The following DAB1 variants were observed in gnomAD, a reference collection of about 807,000 sequenced individuals.
DAB1 encodes DAB adaptor protein 1, also known as disabled homolog 1.
DAB1 carries 15 observed loss-of-function variants against 64.6 expected under a neutral mutation model. That is an observed-to-expected ratio of 0.23 (90% CI 0.16 to 0.36). The LOEUF (loss-of-function observed/expected upper bound fraction) is 0.36, where lower values mean the gene tolerates loss of function less well. DAB1 is among the 10% of genes least tolerant of loss of function. The probability of loss-of-function intolerance (pLI) is 1.00; values close to 1 mark genes in which losing one functional copy is unlikely to be tolerated. For missense variants in DAB1, 596 were observed against 706.7 expected, an observed-to-expected ratio of 0.84 and a Z score of 1.78; for synonymous variants, 235 against 251.9, an observed-to-expected ratio of 0.93 and a Z score of 0.64.
At chr1:57,803,541 A>G (rs898615288) in intron 6 of DAB1, among the ~76,000 whole-genome samples, 2 of 152,198 alleles carry the variant, frequency 1.3e-5, no homozygotes, top group Non-Finnish European at 2.9e-5. Context: ...CAAACAACAA[A>G]TACCCAGCAA....
chr1:57,960,697 CT>C (rs1289455774), intron 5 of DAB1, among the ~76,000 whole-genome samples: 1 of 152,200 alleles, frequency 6.6e-6, no homozygotes, highest in Non-Finnish European at 1.5e-5. Context: ...TGAAGAAGTC[CT>C]TTCTGCTCTT....
intron 3 of DAB1, among the ~76,000 whole-genome samples, chr1:58,344,866 T>C (rs1215836577): frequency 1.1e-5 from 1 of 92,042 alleles, no homozygotes; most frequent in African/African-American, 4.4e-5. Flanking sequence ...TAGGCTCTTA[T>C]TGAATACTCA....
chr1:57,306,628 C>G (rs1039455908), intron 1 of DAB1, among the ~76,000 whole-genome samples: 1 of 150,306 alleles, frequency 6.7e-6, no homozygotes, highest in Admixed American at 6.7e-5. Context: ...TTGGTAAATT[C>G]GGAAAACAGT....
At chr1:58,280,189 C>T (rs1043091474) in intron 4 of DAB1, among the ~76,000 whole-genome samples, 1 of 152,194 alleles carries the variant, frequency 6.6e-6, no homozygotes, top group Non-Finnish European at 1.5e-5. Context: ...AGACAGGAGG[C>T]TCCCACCTCC....
chr1:58,252,912 G>A (rs183163136), intron 4 of DAB1, among the ~76,000 whole-genome samples: 3 of 152,326 alleles, frequency 2.0e-5, no homozygotes, highest in African/African-American at 7.2e-5. Flanking sequence ...CCAACTCAAT[G>A]TATTGCACTT....
At chr1:58,495,151 C>G (rs1455928937) in intron 3 of DAB1, among the ~76,000 whole-genome samples, 1 of 152,150 alleles carries the variant, frequency 6.6e-6, no homozygotes. Context: ...CCATCATTCT[C>G]AGCAAACTAT....
chr1:58,327,398 A>C (rs1662858925), intron 4 of DAB1, among the ~76,000 whole-genome samples: 1 of 151,770 alleles, frequency 6.6e-6, no homozygotes, highest in Non-Finnish European at 1.5e-5. Flanking sequence ...GCCCAAACCC[A>C]CTCCTGATTA....
chr1:57,898,098 C>A (rs1644418814), intron 5 of DAB1, among the ~76,000 whole-genome samples: 1 of 152,068 alleles, frequency 6.6e-6, no homozygotes, highest in Non-Finnish European at 1.5e-5. Flanking sequence ...GCAGCTGGTC[C>A]CTACTGCCCC....
intron 5 of DAB1, among the ~76,000 whole-genome samples, chr1:58,059,598 ATT>A (rs1193650124): frequency 6.6e-6 from 1 of 152,208 alleles, no homozygotes; most frequent in Non-Finnish European, 1.5e-5. Context: ...ACAAGGCCCC[ATT>A]TAGGAACTAT....
intron 6 of DAB1, among the ~76,000 whole-genome samples, chr1:57,773,370 C>G (rs1025496148): frequency 6.6e-6 from 1 of 151,866 alleles, no homozygotes; most frequent in African/African-American, 2.4e-5. Flanking sequence ...CACACACACA[C>G]ACACAGACAC....
intron 3 of DAB1, among the ~76,000 whole-genome samples, chr1:58,439,816 G>T (rs1284107486): frequency 3.9e-5 from 6 of 152,188 alleles, no homozygotes; most frequent in Non-Finnish European, 5.9e-5. Context: ...CAAAAGAGCT[G>T]GGGGTGATTA....
intron 2 of DAB1, among the ~76,000 whole-genome samples, chr1:58,507,529 T>C (rs892838069): frequency 3.9e-5 from 6 of 151,974 alleles, no homozygotes; most frequent in African/African-American, 1.4e-4. Context: ...GTATTCTAAG[T>C]TGAAAAGAAT....
chr1:58,533,501 A>G (rs1646468427), intron 1 of DAB1, among the ~76,000 whole-genome samples: 1 of 152,214 alleles, frequency 6.6e-6, no homozygotes. Flanking sequence ...TGTATTAATT[A>G]CACATGACAC....
At chr1:57,711,613 A>G (rs1284835929) in intron 6 of DAB1, among the ~76,000 whole-genome samples, 1 of 152,242 alleles carries the variant, frequency 6.6e-6, no homozygotes, top group Non-Finnish European at 1.5e-5. Context: ...ACAGCGGACT[A>G]TAAGTTAATG....
chr1:58,266,268 G>C (rs1159470983), intron 4 of DAB1, among the ~76,000 whole-genome samples: 1 of 152,160 alleles, frequency 6.6e-6, no homozygotes, highest in Non-Finnish European at 1.5e-5. Flanking sequence ...CTCCCTACAG[G>C]GTGGTAGGTC....
At chr1:57,394,304 G>A (rs900518994) in intron 1 of DAB1, among the ~76,000 whole-genome samples, 5 of 152,292 alleles carry the variant, frequency 3.3e-5, no homozygotes, top group South Asian at 2.1e-4. Flanking sequence ...AGAGAGCTTC[G>A]AAAACCACTT....
intron 1 of DAB1, among the ~76,000 whole-genome samples, chr1:57,845,893 C>G (rs947869468): frequency 6.6e-6 from 1 of 152,092 alleles, no homozygotes; most frequent in Admixed American, 6.5e-5. Flanking sequence ...AAATGAAAAC[C>G]CTTCAAATAT....
chr1:58,328,335 T>C (rs1252660029), intron 4 of DAB1, among the ~76,000 whole-genome samples: 1 of 152,214 alleles, frequency 6.6e-6, no homozygotes, highest in African/African-American at 2.4e-5. Flanking sequence ...CCAACCCTAC[T>C]CCCGTTTTCA....
At chr1:57,062,081 A>T (rs1264283501) in intron 9 of DAB1, among the ~76,000 whole-genome samples, 1 of 152,098 alleles carries the variant, frequency 6.6e-6, no homozygotes, top group Non-Finnish European at 1.5e-5. Context: ...TCTGCATGCC[A>T]GTTGTAGGTC....
Sources: allele counts gnomAD v4.1 joint callset (sites outside exome capture counted in the v4.1 genomes callset), GRCh38; gene constraint gnomAD v4.1.1; transcripts MANE v1.5; gene names NCBI Gene and HGNC (gene_info 2026-07-23, HGNC 2026-07-21).